ABCA13: variants seen among roughly 807,000 people sequenced by gnomAD.
ABCA13 encodes ATP-binding cassette sub-family A member 13.
ABCA13 carries 476 observed loss-of-function variants against 478.7 expected under a neutral mutation model. The observed-to-expected ratio is 0.99, with a 90% CI of 0.92 to 1.07. The LOEUF (loss-of-function observed/expected upper bound fraction) is 1.07, where lower values mean the gene tolerates loss of function less well. Ranked by LOEUF, ABCA13 falls within the 50% of genes least tolerant of loss-of-function variation. The pLI is 0.00. For synonymous variants in ABCA13, 2,252 were observed against 2,158.9 expected (o/e 1.04, Z -1.20); for missense variants, 6,060 against 5,910.6 (o/e 1.03, Z -0.83).
intron 15 of ABCA13, among the ~76,000 whole-genome samples, chr7:48,268,308 C>T (rs1046676799): frequency 6.6e-6 from 1 of 152,048 alleles, no homozygotes; most frequent in Admixed American, 6.5e-5. Flanking sequence ...AGGCGCCCAC[C>T]ACCACACCCG....
intron 36 of ABCA13, among the ~76,000 whole-genome samples, 168 bp from the exon 37 acceptor site, chr7:48,388,872 A>G (rs1021458716): frequency 5.9e-5 from 9 of 152,204 alleles, no homozygotes; most frequent in Non-Finnish European, 1.3e-4. Context: ...AATGTTTGCC[A>G]TTATATAGTC....
chr7:48,630,613 A>G (rs928072553), intron 59 of ABCA13, among the ~76,000 whole-genome samples: 2 of 152,148 alleles, frequency 1.3e-5, no homozygotes, highest in African/African-American at 2.4e-5. Flanking sequence ...TCTGCAAAAA[A>G]CATATACATG....
intron 15 of ABCA13, among the ~76,000 whole-genome samples, chr7:48,268,604 T>C (rs998852768): frequency 6.6e-6 from 1 of 152,196 alleles, no homozygotes; most frequent in East Asian, 1.9e-4. Flanking sequence ...CTCTGTCCTG[T>C]GGTTTCTAGC....
intron 55 of ABCA13, among the ~76,000 whole-genome samples, chr7:48,555,141 A>C (rs1311050971): frequency 3.3e-5 from 5 of 151,806 alleles, no homozygotes. Context: ...ACATTGATTG[A>C]TTTGTATATG....
intron 55 of ABCA13, among the ~76,000 whole-genome samples, chr7:48,550,154 T>C (rs1185116110): frequency 1.3e-5 from 2 of 151,946 alleles, no homozygotes; most frequent in African/African-American, 2.4e-5. Context: ...GAAGCATAGC[T>C]AACATTTCTG....
At chr7:48,635,638 T>C (rs1223757007) in intron 59 of ABCA13, among the ~76,000 whole-genome samples, 1 of 152,186 alleles carries the variant, frequency 6.6e-6, no homozygotes, top group East Asian at 1.9e-4. Flanking sequence ...CTTAACCTCA[T>C]GAACATGTAG....
chr7:48,184,371 C>A (rs1349695580), intron 1 of ABCA13, among the ~76,000 whole-genome samples: 1 of 152,104 alleles, frequency 6.6e-6, no homozygotes, highest in Non-Finnish European at 1.5e-5. Context: ...TATGGCTGGT[C>A]TTTTCCACTC....
rs776019354 is a variant in ABCA13, at chr7:48,278,924, A to G, written c.7730A>G (p.Lys2577Arg). 4 of 1,613,376 alleles carry G rather than the reference A, an allele frequency of 2.5e-6. No individual in the cohort carries two copies. The highest frequency in any genetic ancestry group is 3.4e-6 in the Non-Finnish European group (4 of 1,179,858). The change falls in exon 18 of 62, where the codon AAA (lysine) becomes AGA (arginine). Residue 2577 changes from lysine (K) to arginine (R), a missense_variant. Physicochemically the swap from Lys to Arg is conservative, Grantham distance 26. This residue lies in a region of ABCA13 where 4,423 missense variants were observed against 4,309.1 expected (regional missense o/e 1.03). Transcript: ENST00000435803. ...CTTGTGAAAGAAATAGCTACTTTAA[A>G]AAAAATAGATCATTTCACATTTGAA... ...QNLVKEIATL[K>R]KIDHFTFEKI...
intron 31 of ABCA13, among the ~76,000 whole-genome samples, chr7:48,363,085 G>T (rs1232077170): frequency 6.6e-6 from 1 of 152,014 alleles, no homozygotes; most frequent in South Asian, 2.1e-4. Flanking sequence ...CTTACCATCA[G>T]CCCTTTCACT....
At chr7:48,198,895 A>G (rs1224759721) in intron 3 of ABCA13, among the ~76,000 whole-genome samples, 1 of 152,210 alleles carries the variant, frequency 6.6e-6, no homozygotes. Flanking sequence ...GGTTGCCTAC[A>G]GTGTCAGTTG....
chr7:48,237,339 C>G (rs954024185), intron 8 of ABCA13, among the ~76,000 whole-genome samples: 2 of 152,056 alleles, frequency 1.3e-5, no homozygotes, highest in Admixed American at 6.5e-5. Context: ...AATCTTGTGG[C>G]CTTTTATTAG....
Position 48,245,623 on chromosome 7 carries a change from A to G in ABCA13, c.1491+11A>G. On this transcript the variant is annotated intron_variant, in intron 12 of 61. Coordinates refer to ENST00000435803, the MANE Select transcript of ABCA13 (RefSeq NM_152701.5). ...TGGGAGCTGAAACAGGTAAAGCACA[A>G]CAAATAATTATAAATAAGCATTTTT... 6.3e-7 allele frequency: 1 copy of G among 1,595,442 alleles called. No individual in the cohort carries two copies. The highest frequency in any genetic ancestry group is 8.5e-7 in the Non-Finnish European group (1 of 1,172,740).
At chr7:48,549,818 A>G (rs1399879126) in intron 55 of ABCA13, among the ~76,000 whole-genome samples, 3 of 151,832 alleles carry the variant, frequency 2.0e-5, no homozygotes, top group Non-Finnish European at 4.4e-5. Flanking sequence ...AGGATCAGTG[A>G]TGTTGAGCTT....
chr7:48,188,948 C>CA, intron 1 of ABCA13, among the ~76,000 whole-genome samples: 1 of 152,300 alleles, frequency 6.6e-6, no homozygotes, highest in East Asian at 1.9e-4. Flanking sequence ...CTTCCACCCT[C>CA]TGCTGGTCGG....
intron 54 of ABCA13, among the ~76,000 whole-genome samples, chr7:48,526,422 T>C (rs1832895838): frequency 6.6e-6 from 1 of 152,210 alleles, no homozygotes; most frequent in African/African-American, 2.4e-5. Flanking sequence ...TCTTAAGCTC[T>C]TATAAGCATT....
At chr7:48,520,420 C>CT in intron 53 of ABCA13, 126 bp downstream of exon 53, 2 of 1,086,940 alleles carry the variant, frequency 1.8e-6, no homozygotes, top group Non-Finnish European at 1.2e-6. Context: ...AGTTCTAATG[C>CT]GTTAAGATTT....
chr7:48,354,981 C>T (rs2128991387), intron 31 of ABCA13, among the ~76,000 whole-genome samples: 1 of 150,316 alleles, frequency 6.7e-6, no homozygotes, highest in Admixed American at 6.6e-5. Context: ...CTTTTATGTA[C>T]TATTTGTCAG....
At chr7:48,608,316 G>A (rs542631119) in intron 58 of ABCA13, among the ~76,000 whole-genome samples, 11 of 152,362 alleles carry the variant, frequency 7.2e-5, no homozygotes, top group Non-Finnish European at 1.5e-4. Flanking sequence ...GTATCTGTGT[G>A]TGGGTAGTGA....
chr7:48,374,373 A>G lies in ABCA13; in HGVS notation c.11160A>G (p.Gly3720=), dbSNP rs902816582. 6.2e-7 allele frequency: 1 copy of G among 1,610,850 alleles called. No homozygotes were observed. The highest frequency in any genetic ancestry group is 8.5e-7 in the Non-Finnish European group (1 of 1,178,724). The change falls in exon 34 of 62, where the codon GGA becomes GGG. Residue 3720 remains glycine, a synonymous_variant. Transcript: ENST00000435803. ...FLCLLSTTAF[G]QGVFFITFLE... ...GCCTTCTTTCGACAACCGCCTTTGGACAAGGGGTATTTTTTATTACATTCC... is the reference window on the plus strand; with the variant it reads ...GCCTTCTTTCGACAACCGCCTTTGGGCAAGGGGTATTTTTTATTACATTCC...
Sources: gnomAD v4.1 joint callset for allele counts (sites outside exome capture counted in the v4.1 genomes callset) on GRCh38, gnomAD v4.1.1 for gene constraint, gnomAD v4.1.1 regional missense constraint, MANE v1.5 for transcripts, NCBI Gene and HGNC (gene_info 2026-07-23, HGNC 2026-07-21) for gene names.